TBC1D22A: variants seen among roughly 807,000 people sequenced by gnomAD.
TBC1D22A encodes putative GTPase activator.
TBC1D22A carries 38 observed loss-of-function variants against 60.2 expected under a neutral mutation model. The observed-to-expected ratio is 0.63, with a 90% CI of 0.49 to 0.83. The LOEUF (loss-of-function observed/expected upper bound fraction) is 0.83. Ranked by LOEUF, TBC1D22A falls within the 40% of genes least tolerant of loss-of-function variation. The probability of loss-of-function intolerance (pLI) is 0.00; values close to 1 mark genes in which losing one functional copy is unlikely to be tolerated. For missense variants in TBC1D22A, 628 were observed against 701.0 expected (o/e 0.90, Z 1.18); for synonymous variants, 302 against 281.7 (o/e 1.07, Z -0.72).
chr22:47,071,207 A>T (rs900629226), intron 11 of TBC1D22A, among the ~76,000 whole-genome samples: 1 of 152,286 alleles, frequency 6.6e-6, no homozygotes, highest in African/African-American at 2.4e-5. Flanking sequence ...TTAAGAGCCC[A>T]CATGCGCCTA....
chr22:47,046,564 T>G (rs575911995), intron 11 of TBC1D22A, among the ~76,000 whole-genome samples: 1 of 152,242 alleles, frequency 6.6e-6, no homozygotes, highest in East Asian at 1.9e-4. Flanking sequence ...AGGGACACAG[T>G]GCCACTCACA....
intron 12 of TBC1D22A, among the ~76,000 whole-genome samples, chr22:47,131,484 C>G (rs1424620603): frequency 6.6e-6 from 1 of 152,236 alleles, no homozygotes; most frequent in African/African-American, 2.4e-5. Flanking sequence ...TCTGCGGCTG[C>G]TCCAGCCACA....
At chr22:46,835,447 T>G (rs2086477052) in intron 4 of TBC1D22A, among the ~76,000 whole-genome samples, 1 of 152,032 alleles carries the variant, frequency 6.6e-6, no homozygotes, top group Non-Finnish European at 1.5e-5. Context: ...ATACAAAGAC[T>G]GAACTATGAA....
chr22:46,904,080 A>G (rs1435051461), intron 7 of TBC1D22A, among the ~76,000 whole-genome samples: 1 of 147,220 alleles, frequency 6.8e-6, no homozygotes, highest in Non-Finnish European at 1.5e-5. Flanking sequence ...GTATACATAT[A>G]TACATATCTA....
intron 7 of TBC1D22A, among the ~76,000 whole-genome samples, chr22:46,904,109 A>ATCTGTCTG (rs1176935651): frequency 1.2e-4 from 8 of 65,678 alleles, no homozygotes; most frequent in African/African-American, 5.2e-4. Context: ...CTATCTATCT[A>ATCTGTCTG]TCTATCTATC....
At chr22:46,947,043 G>A (rs1266671059) in intron 8 of TBC1D22A, among the ~76,000 whole-genome samples, 1 of 152,184 alleles carries the variant, frequency 6.6e-6, no homozygotes, top group Non-Finnish European at 1.5e-5. Context: ...ATTTGAGGCC[G>A]AGGGGTCTTT....
chr22:46,841,158 A>G (rs538028790), intron 4 of TBC1D22A, among the ~76,000 whole-genome samples: 25 of 152,222 alleles, frequency 1.6e-4, no homozygotes, highest in African/African-American at 6.0e-4. Context: ...GTTGAAATGT[A>G]ATCAGCAATG....
At chr22:46,858,286 T>C (rs2147328509) in intron 4 of TBC1D22A, among the ~76,000 whole-genome samples, 1 of 152,378 alleles carries the variant, frequency 6.6e-6, no homozygotes, top group East Asian at 1.9e-4. Flanking sequence ...AAGAAATGCC[T>C]ATTCACATCC....
chr22:47,050,065 C>T (rs549343442), intron 11 of TBC1D22A, among the ~76,000 whole-genome samples: 3 of 152,262 alleles, frequency 2.0e-5, no homozygotes, highest in African/African-American at 7.2e-5. Context: ...AGTGCAGTGG[C>T]TCGATCTCAG....
intron 1 of TBC1D22A, among the ~76,000 whole-genome samples, chr22:46,779,124 G>A (rs147632940): frequency 6.6e-6 from 1 of 152,212 alleles, no homozygotes; most frequent in South Asian, 2.1e-4. Context: ...TTATGATCAA[G>A]TATTACGTAC....
chr22:46,974,252 T>C (rs1358022729), intron 8 of TBC1D22A, 38 bp from the exon 9 acceptor site: 1 of 1,546,458 alleles, frequency 6.5e-7, no homozygotes, highest in East Asian at 2.4e-5. Flanking sequence ...CCCGTGTGGC[T>C]AAGTCTCCTT....
intron 12 of TBC1D22A, among the ~76,000 whole-genome samples, chr22:47,163,548 C>A (rs920807828): frequency 1.3e-5 from 2 of 152,004 alleles, no homozygotes; most frequent in African/African-American, 4.8e-5. Context: ...AGAAGGCAGA[C>A]GGGTGAGGTT....
chr22:46,999,627 G>C (rs2075242369), intron 10 of TBC1D22A, among the ~76,000 whole-genome samples: 1 of 152,120 alleles, frequency 6.6e-6, no homozygotes, highest in Non-Finnish European at 1.5e-5. Flanking sequence ...TTCATCACTT[G>C]CCTCCTAGAG....
At chr22:46,963,214 C>T (rs1336923315) in intron 8 of TBC1D22A, among the ~76,000 whole-genome samples, 2 of 110,510 alleles carry the variant, frequency 1.8e-5, no homozygotes, top group African/African-American at 7.6e-5. Flanking sequence ...CAGAGCAAGA[C>T]TCCGTCTCAA....
intron 7 of TBC1D22A, among the ~76,000 whole-genome samples, chr22:46,904,786 T>A (rs1460999437): frequency 3.5e-5 from 5 of 143,290 alleles, no homozygotes; most frequent in Non-Finnish European, 6.1e-5. Flanking sequence ...TTTTTTTTTT[T>A]TTTTCTGAGA....
At chr22:47,102,962 G>C (rs183834389) in intron 11 of TBC1D22A, among the ~76,000 whole-genome samples, 31 of 152,276 alleles carry the variant, frequency 2.0e-4, no homozygotes, top group Non-Finnish European at 4.4e-4. Context: ...TTCCCTCAGG[G>C]CCTCACATAC....
chr22:46,868,314 A>G (rs1305569325), intron 4 of TBC1D22A, among the ~76,000 whole-genome samples: 1 of 152,166 alleles, frequency 6.6e-6, no homozygotes, highest in Non-Finnish European at 1.5e-5. Flanking sequence ...CAGTATACAC[A>G]CATTTTGTTT....
At chr22:46,922,366 C>CA (rs1488614621) in intron 8 of TBC1D22A, among the ~76,000 whole-genome samples, 10 of 152,196 alleles carry the variant, frequency 6.6e-5, no homozygotes, top group Non-Finnish European at 1.3e-4. Context: ...GTAATGCCTC[C>CA]AGCTTTGTTC....
chr22:47,019,053 G>T (rs2061994284), intron 10 of TBC1D22A, among the ~76,000 whole-genome samples: 1 of 152,228 alleles, frequency 6.6e-6, no homozygotes, highest in South Asian at 2.1e-4. Context: ...TCTGGTGCAG[G>T]AGACAGTGAG....
Sources: gnomAD v4.1 joint callset for allele counts (sites outside exome capture counted in the v4.1 genomes callset) on GRCh38, gnomAD v4.1.1 for gene constraint, MANE v1.5 for transcripts, NCBI Gene and HGNC (gene_info 2026-07-23, HGNC 2026-07-21) for gene names.